PCDHGA1: variants seen among roughly 807,000 people sequenced by gnomAD.
PCDHGA1 encodes the protein protocadherin gamma-A1.
Under a neutral mutation model 58.0 loss-of-function variants are expected in PCDHGA1, and 32 were observed. The ratio of observed to expected loss-of-function variants is 0.55; its 90% CI spans 0.42 to 0.74. The LOEUF (loss-of-function observed/expected upper bound fraction) is 0.74. Among genes scored for constraint, PCDHGA1 ranks in the 30% least tolerant of loss-of-function variants. The probability of loss-of-function intolerance (pLI) is 0.00; values close to 1 mark genes in which losing one functional copy is unlikely to be tolerated. For synonymous variants in PCDHGA1, 498 were observed against 501.1 expected, an observed-to-expected ratio of 0.99 and a Z score of 0.08; for missense variants, 1,205 against 1,182.3, an observed-to-expected ratio of 1.02 and a Z score of -0.28.
chr5:141,389,196 C>T, intron 1 of PCDHGA1: 1 of 1,614,048 alleles, frequency 6.2e-7, no homozygotes, highest in South Asian at 1.1e-5. Flanking sequence ...CAGCATCACC[C>T]TGCACATTGG....
chr5:141,486,399 C>G lies in PCDHGA1; in HGVS notation c.2422-8408C>G. On this transcript the variant is annotated intron_variant, in intron 1 of 3. Transcript: ENST00000517417. The surrounding 1 kb of genome is among the most constrained non-coding windows in gnomAD (Gnocchi z 5.0). ...TTCAGGAACCAGTTCTCCCTGGTGA[C>G]TGCTGGACCCTTGGATCGAGAGGCC... The G allele has an allele frequency of 6.2e-7, 1 of 1,614,188 alleles. No individual in the cohort carries two copies. The highest frequency in any genetic ancestry group is 1.1e-5 in the South Asian group (1 of 91,090).
At chr5:141,352,568 A>G in intron 1 of PCDHGA1, 1 of 1,613,966 alleles carries the variant, frequency 6.2e-7, no homozygotes, top group South Asian at 1.1e-5. Flanking sequence ...GACACCGGAA[A>G]TGGCTCCCCC....
intron 1 of PCDHGA1, among the ~76,000 whole-genome samples, chr5:141,460,992 T>C (rs2099006034): frequency 6.6e-6 from 1 of 151,316 alleles, no homozygotes; most frequent in South Asian, 2.1e-4. Context: ...TGTATATATA[T>C]ATATGTGTAT....
At chr5:141,350,435 T>C (rs1758474649) in intron 1 of PCDHGA1, 17 of 1,609,526 alleles carry the variant, frequency 1.1e-5, no homozygotes, top group South Asian at 4.4e-5. Flanking sequence ...TGTCCGGGAG[T>C]TGCCAACTCG....
intron 1 of PCDHGA1, among the ~76,000 whole-genome samples, chr5:141,396,910 A>G (rs1335319555): frequency 1.3e-5 from 2 of 152,208 alleles, no homozygotes; most frequent in Non-Finnish European, 2.9e-5. Flanking sequence ...GCACTTTGCA[A>G]TTTTAAAAAC....
intron 1 of PCDHGA1, chr5:141,392,593 C>T (rs986653235): frequency 1.0e-5 from 5 of 494,076 alleles, no homozygotes; most frequent in Admixed American, 7.6e-5. Flanking sequence ...CCGCTGTTCA[C>T]CTACTGGAAG....
At position 141,477,843 on chromosome 5, in the gene PCDHGA1, C is replaced by T; in HGVS notation, c.2422-16964C>T. The T allele has an allele frequency of 6.2e-7, 1 of 1,613,408 alleles. No homozygotes were observed. Among genetic ancestry groups the T allele is most frequent in the Non-Finnish European group, 8.5e-7 (1 of 1,179,796 alleles). On this transcript the variant is annotated intron_variant, in intron 1 of 3. Coordinates refer to ENST00000517417, the MANE Select transcript of PCDHGA1 (RefSeq NM_018912.3). The surrounding 1 kb of genome is among the most constrained non-coding windows in gnomAD (Gnocchi z 4.9). Reference sequence around the variant, plus strand: ...CTATATCCTCGGCCAGGTGGGAGCTCGGTGGAGATGCTGCCTCGAGGTACC... The same window carrying T: ...CTATATCCTCGGCCAGGTGGGAGCTTGGTGGAGATGCTGCCTCGAGGTACC...
chr5:141,358,805 A>G (rs1327444568), intron 1 of PCDHGA1, among the ~76,000 whole-genome samples: 1 of 152,166 alleles, frequency 6.6e-6, no homozygotes, highest in South Asian at 2.1e-4. Flanking sequence ...GACTGATATG[A>G]TTTACGCTGC....
chr5:141,437,628 T>C (rs2097897572), intron 1 of PCDHGA1, among the ~76,000 whole-genome samples: 1 of 152,212 alleles, frequency 6.6e-6, no homozygotes, highest in African/African-American at 2.4e-5. Context: ...CCATATAAGA[T>C]GTCAGGTTCA....
chr5:141,509,300 G>A (rs987250093), intron 3 of PCDHGA1, among the ~76,000 whole-genome samples: 5 of 152,216 alleles, frequency 3.3e-5, no homozygotes, highest in African/African-American at 1.2e-4. Flanking sequence ...GGTGGAGGCA[G>A]AGGGAGGCTG....
At chr5:141,366,700 T>C in intron 1 of PCDHGA1, 1 of 1,614,248 alleles carries the variant, frequency 6.2e-7, no homozygotes, top group Non-Finnish European at 8.5e-7. Context: ...AAAGCGAGCC[T>C]CTTCTGATGT....
chr5:141,407,505 T>TTTTTTTTTTTTTTTTTTTTTTG (rs1460306566), intron 1 of PCDHGA1, among the ~76,000 whole-genome samples: 3 of 152,144 alleles, frequency 2.0e-5, no homozygotes, highest in African/African-American at 4.8e-5. Flanking sequence ...CTGTTTTTCT[T>TTTTTTTTTTTTTTTTTTTTTTG]AGGCTATGTA....
At position 141,371,163 on chromosome 5, in the gene PCDHGA1, G is replaced by C. The variant is rs79773129; in HGVS notation, c.2421+38058G>C. 1.0e-4 allele frequency: 165 copies of C among 1,613,984 alleles called. No individual in the cohort carries two copies. In the African/African-American group the frequency reaches 2.0e-3, roughly 19 times the overall value. ...GGTCAATGTTGCAGAGAACCTGCCC[G>C]CTGGCTCCTCCGTATTAAAAGTGAT... On this transcript the variant is annotated intron_variant, in intron 1 of 3. Coordinates refer to ENST00000517417, the MANE Select transcript of PCDHGA1 (RefSeq NM_018912.3).
chr5:141,362,274 G>T lies in PCDHGA1; in HGVS notation c.2421+29169G>T. ...TCGCGGTGATTCTGGCAATCTCCCTGCGCCTGCGACTCTCTTCCAGGTCAG... is the reference window on the plus strand; with the variant it reads ...TCGCGGTGATTCTGGCAATCTCCCTTCGCCTGCGACTCTCTTCCAGGTCAG... On this transcript the variant is annotated intron_variant, in intron 1 of 3. Transcript: ENST00000517417. 4 of 1,614,018 alleles carry T rather than the reference G, an allele frequency of 2.5e-6. No homozygotes were observed. The East Asian group carries it at 8.9e-5, about 36-fold the overall frequency.
intron 1 of PCDHGA1, chr5:141,410,442 C>G (rs1444532577): frequency 6.2e-7 from 1 of 1,613,942 alleles, no homozygotes; most frequent in Admixed American, 1.7e-5. Context: ...AGTGAGGGGA[C>G]TTTGCCTTAT....
Position 141,489,699 on chromosome 5 carries a change from A to G in PCDHGA1, c.2422-5108A>G. ...CAGCAGCATCTGGGGCACGATTCCC[A>G]CTGGACAGTGCCCAGGATCCGGATG... is the stretch of plus-strand genomic sequence containing the variant. On this transcript the variant is annotated intron_variant, in intron 1 of 3. Transcript: ENST00000517417. The surrounding 1 kb of genome is among the most constrained non-coding windows in gnomAD (Gnocchi z 4.5). The G allele has an allele frequency of 6.2e-7, 1 of 1,614,102 alleles. No homozygotes were observed. The highest frequency in any genetic ancestry group is 8.5e-7 in the Non-Finnish European group (1 of 1,179,956).
chr5:141,486,659 G>A lies in PCDHGA1; in HGVS notation c.2422-8148G>A, dbSNP rs758578821. The stretch of plus-strand genomic sequence containing the variant: ...TGCGCTTATCTCCTACTCACTCCTG[G>A]AGCCCAGGAATCGAGATGTATCAGC... On this transcript the variant is annotated intron_variant, in intron 1 of 3. Transcript: ENST00000517417. This position sits in a 1 kb window ranked among gnomAD's most constrained non-coding sequence, Gnocchi z 5.0. 5.0e-6 allele frequency: 8 copies of A among 1,613,944 alleles called. No homozygotes were observed. Among genetic ancestry groups the A allele is most frequent in the Middle Eastern group, 1.6e-4 (1 of 6,062 alleles).
At chr5:141,390,433 AT>A (rs1395897313) in intron 1 of PCDHGA1, 1 of 978,654 alleles carries the variant, frequency 1.0e-6, no homozygotes, top group East Asian at 2.6e-5. Context: ...CTGTCATATC[AT>A]TCTACAAAGG....
chr5:141,409,155 A>T, intron 1 of PCDHGA1: 1 of 1,614,036 alleles, frequency 6.2e-7, no homozygotes, highest in Non-Finnish European at 8.5e-7. Context: ...TACACCATGG[A>T]AGTGGAAGCG....
Sources: gnomAD v4.1 joint callset for allele counts (sites outside exome capture counted in the v4.1 genomes callset) on GRCh38, gnomAD v4.1.1 for gene constraint, Gnocchi (gnomAD v3.1) non-coding constraint, MANE v1.5 for transcripts, NCBI Gene and HGNC (gene_info 2026-07-23, HGNC 2026-07-21) for gene names.